NTM: variants seen among roughly 807,000 people sequenced by gnomAD.
The protein encoded by NTM is IgLON family member 2.
A neutral mutation model predicts 42.1 loss-of-function variants in NTM; 13 were observed. The ratio of observed to expected loss-of-function variants is 0.31; its 90% CI spans 0.20 to 0.49. The LOEUF (loss-of-function observed/expected upper bound fraction) is 0.49. NTM is among the 20% of genes least tolerant of loss of function. The pLI is 0.99. For synonymous variants in NTM, 187 were observed against 179.2 expected (o/e 1.04, Z -0.35); for missense variants, 373 against 452.8 (o/e 0.82, Z 1.60).
At chr11:131,530,992 C>G (rs944339301) in intron 1 of NTM, among the ~76,000 whole-genome samples, 1 of 152,184 alleles carries the variant, frequency 6.6e-6, no homozygotes, top group African/African-American at 2.4e-5. Context: ...ATAGATGGCT[C>G]AGCACACACT....
intron 1 of NTM, among the ~76,000 whole-genome samples, chr11:131,849,290 TA>T (rs1480855565): frequency 6.6e-6 from 1 of 152,098 alleles, no homozygotes; most frequent in South Asian, 2.1e-4. Context: ...TGAGACTGGG[TA>T]ATTTATAAAG....
At chr11:131,659,095 G>A (rs763349856) in intron 1 of NTM, among the ~76,000 whole-genome samples, 2 of 152,150 alleles carry the variant, frequency 1.3e-5, no homozygotes, top group Admixed American at 6.5e-5. Context: ...CCTCCCTCAG[G>A]GTCCAGAGCA....
intron 1 of NTM, among the ~76,000 whole-genome samples, chr11:131,571,456 GA>G (rs2057429941): frequency 6.6e-6 from 1 of 152,218 alleles, no homozygotes; most frequent in Non-Finnish European, 1.5e-5. Context: ...CAAGGTCATA[GA>G]ACTGGAAATG....
chr11:132,256,853 C>G (rs1420851825), intron 4 of NTM, among the ~76,000 whole-genome samples: 1 of 152,202 alleles, frequency 6.6e-6, no homozygotes, highest in Admixed American at 6.5e-5. Context: ...GTGTTATCGT[C>G]GGGACCCCTA....
At chr11:132,097,406 C>T (rs2061137689) in intron 2 of NTM, among the ~76,000 whole-genome samples, 1 of 152,170 alleles carries the variant, frequency 6.6e-6, no homozygotes, top group Non-Finnish European at 1.5e-5. Context: ...GTCTGTGTTG[C>T]ACTGGAGGCC....
At chr11:131,397,542 A>G (rs535305059) in intron 1 of NTM, among the ~76,000 whole-genome samples, 5 of 152,220 alleles carry the variant, frequency 3.3e-5, no homozygotes, top group South Asian at 4.2e-4. Flanking sequence ...GCCCACTCCC[A>G]TAGCTTTCTT....
intron 1 of NTM, among the ~76,000 whole-genome samples, chr11:131,780,360 T>A (rs1309564113): frequency 2.0e-5 from 3 of 152,116 alleles, no homozygotes; most frequent in Admixed American, 2.0e-4. Context: ...TGAGGGACAA[T>A]GGCTTATTTA....
At chr11:131,488,227 G>A (rs921462321) in intron 1 of NTM, among the ~76,000 whole-genome samples, 17 of 152,190 alleles carry the variant, frequency 1.1e-4, no homozygotes, top group Admixed American at 3.9e-4. Flanking sequence ...TTATGTTTCT[G>A]TAGGTTGGCC....
intron 1 of NTM, among the ~76,000 whole-genome samples, chr11:131,385,718 G>A (rs1010124353): frequency 2.6e-5 from 4 of 152,086 alleles, no homozygotes; most frequent in Admixed American, 2.0e-4. Flanking sequence ...TTATCCAGGC[G>A]CAGAGGTGCA....
At chr11:131,476,470 G>A (rs572135104) in intron 1 of NTM, among the ~76,000 whole-genome samples, 2 of 152,308 alleles carry the variant, frequency 1.3e-5, no homozygotes, top group East Asian at 1.9e-4. Context: ...GAAGGGGGAA[G>A]AGAGGTGGCA....
intron 7 of NTM, among the ~76,000 whole-genome samples, chr11:132,321,639 C>T (rs897510465): frequency 5.3e-5 from 8 of 152,026 alleles, no homozygotes; most frequent in Admixed American, 4.6e-4. Context: ...CCCAATCTAG[C>T]AAGGCAGGCC....
At chr11:131,658,697 C>T (rs1247858623) in intron 1 of NTM, among the ~76,000 whole-genome samples, 4 of 152,156 alleles carry the variant, frequency 2.6e-5, no homozygotes, top group Admixed American at 6.5e-5. Context: ...CGGCCGGACG[C>T]GGTGGCTCAC....
At chr11:131,698,739 C>T (rs2075752913) in intron 1 of NTM, among the ~76,000 whole-genome samples, 1 of 152,192 alleles carries the variant, frequency 6.6e-6, no homozygotes. Flanking sequence ...TGCTCTCAGC[C>T]CAGTGCCAGG....
rs1181137904 is a variant in NTM at position 132,079,992 on chromosome 11, A to G, written c.168-66290A>G. On this transcript the variant is annotated intron_variant, in intron 2 of 8. Transcript: ENST00000683400. ...ATTTTCTCATGGGCTCTAATTTAAT[A>G]AAAAACAAATATGGATTTGGTGGAG... Among the ~76,000 whole-genome samples, 5 of 152,338 alleles carry G rather than the reference A, an allele frequency of 3.3e-5. No individual in the cohort carries two copies. The East Asian group carries it at 7.7e-4, about 23-fold the overall frequency.
chr11:131,910,594 C>T (rs1198108616), intron 1 of NTM, among the ~76,000 whole-genome samples: 2 of 150,952 alleles, frequency 1.3e-5, no homozygotes, highest in South Asian at 2.1e-4. Flanking sequence ...ACAACCCCGG[C>T]GGTCGGGGCC....
chr11:131,761,386 C>T (rs2084151740), intron 1 of NTM, among the ~76,000 whole-genome samples: 1 of 152,136 alleles, frequency 6.6e-6, no homozygotes, highest in Non-Finnish European at 1.5e-5. Context: ...TCCCCAAATT[C>T]CTATGTTGAA....
chr11:132,043,956 CTATG>C (rs1199395288), intron 2 of NTM, among the ~76,000 whole-genome samples: 404 of 99,052 alleles, frequency 4.1e-3, no homozygotes, highest in African/African-American at 0.015. Context: ...CAGACACCAA[CTATG>C]TGTGTGTGTG....
At chr11:131,442,506 T>C (rs1321826024) in intron 1 of NTM, among the ~76,000 whole-genome samples, 1 of 152,142 alleles carries the variant, frequency 6.6e-6, no homozygotes, top group African/African-American at 2.4e-5. Context: ...GGGCTTCTAG[T>C]GTACCCATCA....
chr11:131,892,689 C>T (rs964421560), intron 1 of NTM, among the ~76,000 whole-genome samples: 5 of 152,244 alleles, frequency 3.3e-5, no homozygotes, highest in African/African-American at 1.2e-4. Flanking sequence ...CCAAGCTCAT[C>T]AGGTTCTCCT....
Sources: allele counts gnomAD v4.1 joint callset (sites outside exome capture counted in the v4.1 genomes callset), GRCh38; gene constraint gnomAD v4.1.1; transcripts MANE v1.5; gene names NCBI Gene and HGNC (gene_info 2026-07-23, HGNC 2026-07-21).